The following GDAP2 variants were observed in gnomAD, a reference collection of about 807,000 sequenced individuals.
The protein encoded by GDAP2 is ganglioside induced differentiation associated protein 2, also known as ganglioside-induced differentiation-associated protein 2.
In GDAP2, 51 loss-of-function variants were observed where a neutral mutation model predicts 67.0. That is an observed-to-expected ratio of 0.76 (90% CI 0.61 to 0.96). The LOEUF (loss-of-function observed/expected upper bound fraction) is 0.96. Among genes scored for constraint, GDAP2 ranks in the 40% least tolerant of loss-of-function variants. GDAP2 has a pLI of 0.00. For synonymous variants in GDAP2, 203 were observed against 207.3 expected, an observed-to-expected ratio of 0.98 and a Z score of 0.18; for missense variants, 547 against 588.3, an observed-to-expected ratio of 0.93 and a Z score of 0.73.
At chr1:117,898,048 T>G (rs995507770) in intron 7 of GDAP2, among the ~76,000 whole-genome samples, 1 of 152,210 alleles carries the variant, frequency 6.6e-6, no homozygotes. Flanking sequence ...TTCTGAGATA[T>G]GAATGCAAAT....
At position 117,920,063 on chromosome 1, in the gene GDAP2, A is replaced by G. The variant is rs114083947; in HGVS notation, c.176+119T>C. 1,663 of 567,434 alleles carry G rather than the reference A, an allele frequency of 2.9e-3. 32 individuals carry two copies. Among genetic ancestry groups the G allele is most frequent in the African/African-American group, 0.029 (1,528 of 52,396 alleles). The allele number at this position is 567,434 out of a possible 1,614,324, so 35.1% of individuals were successfully genotyped here. On this transcript the variant is annotated intron_variant, in intron 2 of 13. Transcript: ENST00000369443. ...TATTAAATGTCAATTATACCTCAAT[A>G]AAGTCATATACGTATACGCAAAGCT...
intron 3 of GDAP2, among the ~76,000 whole-genome samples, chr1:117,916,188 G>A (rs759817733): frequency 6.6e-6 from 1 of 152,162 alleles, no homozygotes; most frequent in Non-Finnish European, 1.5e-5. Context: ...ACTATGGGTG[G>A]TCTGATCTAT....
chr1:117,888,132 G>A (rs992940479), intron 8 of GDAP2, among the ~76,000 whole-genome samples: 1 of 152,098 alleles, frequency 6.6e-6, no homozygotes, highest in Non-Finnish European at 1.5e-5. Context: ...TAAAGCAATG[G>A]CAGAGTTTCA....
chr1:117,894,340 T>C (rs1649194693), intron 8 of GDAP2, among the ~76,000 whole-genome samples: 1 of 152,082 alleles, frequency 6.6e-6, no homozygotes, highest in Non-Finnish European at 1.5e-5. Flanking sequence ...AGGCTGTAAG[T>C]TTAAAACTAT....
Position 117,912,059 on chromosome 1 carries a change from C to A in GDAP2, c.494G>T (p.Gly165Val), listed in dbSNP as rs1422384640. 1 of 1,609,550 alleles carries A rather than the reference C, an allele frequency of 6.2e-7. No homozygotes were observed. The highest frequency in any genetic ancestry group is 1.7e-5 in the Admixed American group (1 of 59,936). ...LAKEQSMSSVGFCVINSAKRG... is the reference protein window; with the variant it reads ...LAKEQSMSSVVFCVINSAKRG... Reference sequence around the variant, plus strand: ...TTTTGCAGAATTGATGACACAGAAGCCAACAGAAGACATTGACTGCTCTCT... The same window carrying A: ...TTTTGCAGAATTGATGACACAGAAGACAACAGAAGACATTGACTGCTCTCT... The change falls in exon 5 of 14, where the codon GGC becomes GTC. Residue 165 changes from glycine (G) to valine (V), a missense_variant. Coordinates refer to ENST00000369443, the MANE Select transcript of GDAP2 (RefSeq NM_017686.4).
chr1:117,887,882 T>C (rs904831948), intron 8 of GDAP2, 108 bp from the exon 9 acceptor site: 13 of 643,688 alleles, frequency 2.0e-5, no homozygotes, highest in Non-Finnish European at 3.3e-5. Flanking sequence ...TTCAAGTATA[T>C]ATTTCATTAT....
chr1:117,898,420 G>A (rs930624996), intron 7 of GDAP2, among the ~76,000 whole-genome samples: 12 of 152,122 alleles, frequency 7.9e-5, no homozygotes, highest in Admixed American at 5.2e-4. Context: ...TTGGCTTGGT[G>A]CTCATTTTTA....
rs552844422 is a variant in GDAP2, at chr1:117,865,591, C to T, written c.*4978G>A. On this transcript the variant is annotated 3_prime_UTR_variant, in exon 14 of 14. Coordinates refer to ENST00000369443, the MANE Select transcript of GDAP2 (RefSeq NM_017686.4). ...ACTGTGTGCTTACGTTAACGAAACA[C>T]ATTACAAAAAAAAAAGGTATGACTG... 5 of 151,042 alleles carry T rather than the reference C, an allele frequency of 3.3e-5. No individual in the cohort carries two copies. Among genetic ancestry groups the T allele is most frequent in the Non-Finnish European group, 3.0e-5 (2 of 67,698 alleles). The allele number at this position is 151,042 out of a possible 1,614,324, so 9.4% of individuals were successfully genotyped here. A position where few individuals can be genotyped will look rare whatever the true frequency, so the allele number is the denominator to read the frequency against.
chr1:117,884,580 C>A (rs1648781463), intron 10 of GDAP2, among the ~76,000 whole-genome samples: 1 of 152,098 alleles, frequency 6.6e-6, no homozygotes, highest in African/African-American at 2.4e-5. Flanking sequence ...TCATTACCTG[C>A]TTTGGTAACA....
intron 2 of GDAP2, among the ~76,000 whole-genome samples, chr1:117,919,370 CAA>C (rs533363950): frequency 1.2e-4 from 11 of 94,390 alleles, no homozygotes; most frequent in Admixed American, 2.3e-4. Flanking sequence ...CAAGACTCCT[CAA>C]AAAAAAAAAA....
Position 117,864,341 on chromosome 1 carries a change from G to A in GDAP2, c.*6228C>T, listed in dbSNP as rs1355670744. 6.6e-6 allele frequency: 1 copy of A among 152,186 alleles called. No homozygotes were observed. Among genetic ancestry groups the A allele is most frequent in the Non-Finnish European group, 1.5e-5 (1 of 68,040 alleles). The allele number at this position is 152,186 out of a possible 1,614,324, so 9.4% of individuals were successfully genotyped here. ...ACAGAGGCTGTTTTAATAGGGGAAT[G>A]ATGGATTCAGGCTAGATGAGGACCA... On this transcript the variant is annotated 3_prime_UTR_variant, in exon 14 of 14. Coordinates refer to ENST00000369443, the MANE Select transcript of GDAP2 (RefSeq NM_017686.4).
intron 3 of GDAP2, 138 bp from the exon 4 acceptor site, chr1:117,912,821 A>T (rs891618424): frequency 1.4e-5 from 10 of 702,222 alleles, no homozygotes; most frequent in African/African-American, 3.6e-5. Flanking sequence ...ACAAGCATTT[A>T]TCTCTGTTAC....
At chr1:117,894,000 A>G (rs1649175095) in intron 8 of GDAP2, among the ~76,000 whole-genome samples, 1 of 152,200 alleles carries the variant, frequency 6.6e-6, no homozygotes, top group Non-Finnish European at 1.5e-5. Flanking sequence ...TTTAACTTGC[A>G]AATCTCTTTA....
chr1:117,886,567 T>A lies in GDAP2; in HGVS notation c.1107+10A>T, dbSNP rs763031637. 2.8e-6 allele frequency: 4 copies of A among 1,431,488 alleles called. No homozygotes were observed. The East Asian group carries it at 9.1e-5, about 33-fold the overall frequency. The allele number at this position is 1,431,488 out of a possible 1,614,324, so 88.7% of individuals were successfully genotyped here. ...CATTGTTTGTAAAACAGAGCCTTTT[T>A]ATGGCTTACCTTGTCCATATCTATT... On this transcript the variant is annotated intron_variant, in intron 10 of 13. Transcript: ENST00000369443.
At chr1:117,908,108 T>C (rs151228450) in intron 5 of GDAP2, among the ~76,000 whole-genome samples, 22 of 152,086 alleles carry the variant, frequency 1.4e-4, no homozygotes, top group African/African-American at 4.8e-4. Context: ...TTCTCTTCTT[T>C]TGGTGAACTC....
At chr1:117,871,994 AG>A (rs1361869252) in intron 13 of GDAP2, among the ~76,000 whole-genome samples, 4 of 152,296 alleles carry the variant, frequency 2.6e-5, no homozygotes, top group Admixed American at 2.6e-4. Context: ...CAAATTTACA[AG>A]AAAAAAACAA....
At chr1:117,871,343 G>A (rs1380378706) in intron 13 of GDAP2, among the ~76,000 whole-genome samples, 1 of 152,164 alleles carries the variant, frequency 6.6e-6, no homozygotes, top group Non-Finnish European at 1.5e-5. Context: ...TAAAAATCAA[G>A]ACAGTTAAGT....
At chr1:117,895,022 AC>A (rs1411181623) in intron 8 of GDAP2, among the ~76,000 whole-genome samples, 1 of 152,172 alleles carries the variant, frequency 6.6e-6, no homozygotes, top group African/African-American at 2.4e-5. Context: ...ATGAATCAAT[AC>A]TTTCCAAAAA....
rs1648145727 is a variant in GDAP2, at chr1:117,868,386, C to G, written c.*2183G>C. ...TATAGTTCTGTATCACCTTTATACC[C>G]TAGGACATCAATTGTACTAAAATCT... On this transcript the variant is annotated 3_prime_UTR_variant, in exon 14 of 14. Coordinates refer to ENST00000369443, the MANE Select transcript of GDAP2 (RefSeq NM_017686.4). 6.6e-6 allele frequency: 1 copy of G among 152,094 alleles called. No homozygotes were observed. The highest frequency in any genetic ancestry group is 1.5e-5 in the Non-Finnish European group (1 of 68,020). 9.4% of individuals were successfully genotyped at this position (152,094 alleles called of 1,614,324 possible).
Sources: allele counts gnomAD v4.1 joint callset (sites outside exome capture counted in the v4.1 genomes callset), GRCh38; gene constraint gnomAD v4.1.1; transcripts MANE v1.5; gene names NCBI Gene and HGNC (gene_info 2026-07-23, HGNC 2026-07-21).